TLE2: variants seen among roughly 807,000 people sequenced by gnomAD.
The protein encoded by TLE2 is transducin-like enhancer protein 2.
Under a neutral mutation model 97.2 loss-of-function variants are expected in TLE2, and 74 were observed. That is an observed-to-expected ratio of 0.76 (90% CI 0.63 to 0.92). TLE2 has a LOEUF of 0.92. Among genes scored for constraint, TLE2 ranks in the 40% least tolerant of loss-of-function variants. The probability of loss-of-function intolerance (pLI) is 0.00; values close to 1 mark genes in which losing one functional copy is unlikely to be tolerated. For synonymous variants in TLE2, 499 were observed against 432.1 expected (o/e 1.15, Z -1.92); for missense variants, 1,038 against 1,008.7 (o/e 1.03, Z -0.39).
Position 2,997,941 on chromosome 19 carries a change from GGAC to G in TLE2, c.2136_2138del (p.Ser714del), listed in dbSNP as rs1271581040. 2 of 1,612,270 alleles carry G rather than the reference GGAC, an allele frequency of 1.2e-6. No homozygotes were observed. Among genetic ancestry groups the G allele is most frequent in the Non-Finnish European group, 1.7e-6 (2 of 1,179,176 alleles). On this transcript the variant is annotated inframe_deletion, in exon 20 of 20. Coordinates refer to ENST00000262953, the MANE Select transcript of TLE2 (RefSeq NM_003260.5). ...TGGAGATGTCACAACTCAGGACTGA[GGAC>G]GACTCCTTGGACTGCCAAGGGAAGG...
intron 5 of TLE2, among the ~76,000 whole-genome samples, chr19:3,023,266 G>A (rs1242333925): frequency 6.6e-6 from 1 of 152,066 alleles, no homozygotes; most frequent in African/African-American, 2.4e-5. Flanking sequence ...TCAAACTCCT[G>A]ACCTCATGAC....
chr19:3,000,374 T>C (rs518399), intron 19 of TLE2, among the ~76,000 whole-genome samples: 53,248 of 151,824 alleles, frequency 0.35, 11,090 homozygotes, highest in African/African-American at 0.57. Flanking sequence ...CGTGCCCGGC[T>C]GGCAAATTTT....
intron 17 of TLE2, 38 bp from the exon 18 acceptor site, chr19:3,002,541 C>G: frequency 6.5e-7 from 1 of 1,538,724 alleles, no homozygotes; most frequent in Non-Finnish European, 8.7e-7. Context: ...TCACGAGCCC[C>G]TCTTTGTTTT....
intron 7 of TLE2, among the ~76,000 whole-genome samples, chr19:3,018,349 C>T (rs1044928534): frequency 1.3e-5 from 2 of 151,446 alleles, no homozygotes; most frequent in Non-Finnish European, 2.9e-5. Context: ...ACTCTGTCGC[C>T]CAGGCTGGAC....
upstream of TLE2, among the ~76,000 whole-genome samples, chr19:3,047,336 C>G (rs1349574256): frequency 7.0e-6 from 1 of 142,334 alleles, no homozygotes; most frequent in Non-Finnish European, 1.6e-5. Flanking sequence ...GCTTCCCGGA[C>G]CCGAGCACGC....
intron 17 of TLE2, among the ~76,000 whole-genome samples, chr19:3,003,776 C>T (rs1457640807): frequency 2.7e-5 from 4 of 150,576 alleles, no homozygotes; most frequent in Non-Finnish European, 5.9e-5. Context: ...GCAATCATGA[C>T]CCACTGCAGC....
intron 17 of TLE2, among the ~76,000 whole-genome samples, chr19:3,005,062 T>G (rs553818754): frequency 6.6e-6 from 1 of 151,784 alleles, no homozygotes; most frequent in South Asian, 2.1e-4. Flanking sequence ...AGCTCCCCCA[T>G]GGTTAGTCCT....
At chr19:3,039,896 A>T (rs576878114) in intron 1 of TLE2, among the ~76,000 whole-genome samples, 1 of 152,292 alleles carries the variant, frequency 6.6e-6, no homozygotes, top group South Asian at 2.1e-4. Context: ...CACCTCCGCC[A>T]CTGCGTCACT....
chr19:3,043,214 C>T (rs1265493720), intron 1 of TLE2, among the ~76,000 whole-genome samples: 3 of 152,044 alleles, frequency 2.0e-5, no homozygotes, highest in Non-Finnish European at 4.4e-5. Flanking sequence ...CTGCGAGGCT[C>T]AAGCAATCCT....
intron 10 of TLE2, among the ~76,000 whole-genome samples, chr19:3,014,310 T>A (rs974290400): frequency 6.6e-6 from 1 of 152,142 alleles, no homozygotes; most frequent in Middle Eastern, 3.4e-3. Flanking sequence ...ATTGAACAGA[T>A]GGGGAAAAGT....
chr19:3,045,139 G>A (rs1025803554), intron 1 of TLE2, among the ~76,000 whole-genome samples: 24 of 152,168 alleles, frequency 1.6e-4, no homozygotes, highest in African/African-American at 3.9e-4. Flanking sequence ...ACCTGAGCCC[G>A]GGAGGTTGAG....
intron 17 of TLE2, among the ~76,000 whole-genome samples, chr19:3,004,501 T>C (rs7260031): frequency 0.036 from 5,391 of 150,894 alleles, 318 homozygotes; most frequent in African/African-American, 0.12. Flanking sequence ...TAGCCGAGCA[T>C]GGTGGTGCGT....
At position 3,028,966 on chromosome 19, in the gene TLE2, G is replaced by C. The variant is rs2089993592; in HGVS notation, c.-62C>G. On this transcript the variant is annotated 5_prime_UTR_variant, in exon 1 of 20. Transcript: ENST00000262953. ...GCTTGATGATATGGAGGCGGCAAGA[G>C]TGGGGGAGGCTGAAGTGGGGTGGTG... The C allele has an allele frequency of 1.3e-6, 2 of 1,584,530 alleles. No homozygotes were observed. Among genetic ancestry groups the C allele is most frequent in the Admixed American group, 1.8e-5 (1 of 56,188 alleles).
chr19:3,019,746 C>G lies in TLE2; in HGVS notation c.322G>C (p.Glu108Gln), dbSNP rs375027938. 1.9e-6 allele frequency: 3 copies of G among 1,613,128 alleles called. No homozygotes were observed. In the African/African-American group the frequency reaches 4.0e-5, roughly 22 times the overall value. The change falls in exon 6 of 20, where the codon GAA becomes CAA. Residue 108 changes from glutamate to glutamine, a missense_variant. Glu to Gln is a conservative substitution (Grantham distance 29). Coordinates refer to ENST00000262953, the MANE Select transcript of TLE2 (RefSeq NM_003260.5). This position sits in a 1 kb window ranked among gnomAD's most constrained non-coding sequence, Gnocchi z 5.1. ...EHQQQVLQAV[E>Q]RAKQVTVGEL... The stretch of plus-strand genomic sequence containing the variant: ...CCCACGGTGACCTGCTTGGCGCGTT[C>G]TACGGCCTGGAGCACCTGCTGCTGA...
chr19:3,002,013 G>T (rs540322013), intron 18 of TLE2, among the ~76,000 whole-genome samples: 1 of 151,986 alleles, frequency 6.6e-6, no homozygotes, highest in South Asian at 2.1e-4. Flanking sequence ...GGCCAGGCTT[G>T]TCTCGAACTC....
chr19:3,005,362 G>A lies in TLE2; in HGVS notation c.1896+75C>T. 4 of 1,544,938 alleles carry A rather than the reference G, an allele frequency of 2.6e-6. No individual in the cohort carries two copies. The South Asian group carries it at 3.7e-5, about 14-fold the overall frequency. ...CTGTCCTGTCCTGCCTCTGGAAGTG[G>A]GCACCTCACAAGGAGAGGAAGGGAT... On this transcript the variant is annotated intron_variant, in intron 17 of 19. Coordinates refer to ENST00000262953, the MANE Select transcript of TLE2 (RefSeq NM_003260.5).
intron 7 of TLE2, 83 bp from the exon 8 acceptor site, chr19:3,017,942 C>T (rs1228673437): frequency 3.3e-5 from 46 of 1,385,506 alleles, no homozygotes; most frequent in Non-Finnish European, 4.5e-5. Flanking sequence ...GTACAGCCCT[C>T]CAGTTTATAA....
intron 5 of TLE2, among the ~76,000 whole-genome samples, chr19:3,023,158 A>G (rs2089879911): frequency 6.6e-6 from 1 of 151,350 alleles, no homozygotes; most frequent in South Asian, 2.1e-4. Context: ...GGGTTCAAGC[A>G]ATTCTCCTGC....
At position 3,002,082 on chromosome 19, in the gene TLE2, G is replaced by C. The variant is rs563593004; in HGVS notation, c.2047+271C>G. ...CAAAGTGTTGGGATGACAGGCGTGA[G>C]CTACCACACCCAGCCTTAAATTTGA... On this transcript the variant is annotated intron_variant, in intron 18 of 19. Transcript: ENST00000262953. Among the ~76,000 whole-genome samples the C allele has an allele frequency of 2.6e-5, 4 of 152,196 alleles. No individual in the cohort carries two copies. In the East Asian group the frequency reaches 7.7e-4, roughly 29 times the overall value.
Sources: allele counts gnomAD v4.1 joint callset (sites outside exome capture counted in the v4.1 genomes callset), GRCh38; gene constraint gnomAD v4.1.1; non-coding constraint Gnocchi (gnomAD v3.1); transcripts MANE v1.5; gene names NCBI Gene and HGNC (gene_info 2026-07-23, HGNC 2026-07-21).